COL19A1: variants seen among roughly 807,000 people sequenced by gnomAD.
The protein encoded by COL19A1 is collagen type XIX alpha 1 chain, also known as collagen alpha-1(XIX) chain.
COL19A1 carries 159 observed loss-of-function variants against 190.2 expected under a neutral mutation model. The ratio of observed to expected loss-of-function variants is 0.84; its 90% confidence interval spans 0.73 to 0.95. COL19A1 has a LOEUF of 0.95. Among genes scored for constraint, COL19A1 ranks in the 40% least tolerant of loss-of-function variants. COL19A1 has a pLI of 0.00. For synonymous variants in COL19A1, 509 were observed against 458.9 expected (o/e 1.11, Z -1.39); for missense variants, 1,418 against 1,431.9 (o/e 0.99, Z 0.16).
At chr6:70,089,750 C>A (rs1490055853) in intron 15 of COL19A1, among the ~76,000 whole-genome samples, 1 of 152,122 alleles carries the variant, frequency 6.6e-6, no homozygotes, top group Non-Finnish European at 1.5e-5. Context: ...CCCTTGAGTA[C>A]AAGTTCATTA....
chr6:70,102,938 TTCTG>T (rs1276190619), intron 16 of COL19A1, among the ~76,000 whole-genome samples: 1 of 152,162 alleles, frequency 6.6e-6, no homozygotes, highest in Non-Finnish European at 1.5e-5. Context: ...AAACTCCCTA[TTCTG>T]TTGGTTTAGC....
intron 9 of COL19A1, among the ~76,000 whole-genome samples, chr6:69,942,016 C>G (rs1398409251): frequency 1.3e-5 from 2 of 152,088 alleles, no homozygotes; most frequent in East Asian, 3.9e-4. Flanking sequence ...CAAATATGTT[C>G]CTTGCATTGT....
chr6:70,035,263 A>T (rs1296999920), intron 13 of COL19A1, among the ~76,000 whole-genome samples: 1 of 152,234 alleles, frequency 6.6e-6, no homozygotes, highest in Non-Finnish European at 1.5e-5. Context: ...GTGACATAGA[A>T]ATTGGAAAAT....
At chr6:69,952,573 G>A (rs1308407833) in intron 9 of COL19A1, among the ~76,000 whole-genome samples, 1 of 151,892 alleles carries the variant, frequency 6.6e-6, no homozygotes, top group Non-Finnish European at 1.5e-5. Flanking sequence ...TGATGAGAGA[G>A]TGGCCAAGCT....
intron 30 of COL19A1, among the ~76,000 whole-genome samples, chr6:70,150,768 A>G (rs1485101517): frequency 6.6e-6 from 1 of 152,128 alleles, no homozygotes; most frequent in Non-Finnish European, 1.5e-5. Flanking sequence ...ATATTTTGGC[A>G]TTACTTTAAC....
intron 11 of COL19A1, among the ~76,000 whole-genome samples, chr6:70,004,827 C>T (rs1454399529): frequency 6.7e-6 from 1 of 149,196 alleles, no homozygotes; most frequent in Admixed American, 6.6e-5. Flanking sequence ...TCCTTTAGCT[C>T]AGCGTACTTT....
chr6:69,886,699 C>G (rs977169769), intron 2 of COL19A1, among the ~76,000 whole-genome samples: 2 of 152,012 alleles, frequency 1.3e-5, no homozygotes, highest in African/African-American at 4.8e-5. Context: ...GGTGCTTTGC[C>G]TCTGTCTACT....
chr6:70,069,856 G>T (rs966173198), intron 15 of COL19A1, among the ~76,000 whole-genome samples: 1 of 152,026 alleles, frequency 6.6e-6, no homozygotes, highest in African/African-American at 2.4e-5. Flanking sequence ...TTCTTTGGGG[G>T]CTTTTTGCTT....
At chr6:70,103,019 C>T (rs1442852798) in intron 16 of COL19A1, among the ~76,000 whole-genome samples, 1 of 152,186 alleles carries the variant, frequency 6.6e-6, no homozygotes, top group Non-Finnish European at 1.5e-5. Flanking sequence ...TTTTCTTCTA[C>T]CCCCTACATG....
chr6:69,939,127 C>T (rs1008692866), intron 9 of COL19A1, among the ~76,000 whole-genome samples: 21 of 152,094 alleles, frequency 1.4e-4, no homozygotes, highest in African/African-American at 4.8e-4. Context: ...CTTCTGACAA[C>T]TCAGCAGGTG....
At chr6:69,943,073 T>G (rs747886723) in intron 9 of COL19A1, among the ~76,000 whole-genome samples, 1 of 152,100 alleles carries the variant, frequency 6.6e-6, no homozygotes, top group Non-Finnish European at 1.5e-5. Context: ...TTTTGGTCAT[T>G]TAGATAATAG....
Position 69,929,461 on chromosome 6 carries a change from G to C in COL19A1, c.427G>C (p.Glu143Gln). The change falls in exon 6 of 51, where the codon GAA (glutamate) becomes CAA (glutamine). Residue 143 changes from glutamate to glutamine, a missense_variant. Physicochemically the swap from Glu to Gln is conservative, Grantham distance 29. Coordinates refer to ENST00000620364, the MANE Select transcript of COL19A1 (RefSeq NM_001858.6). ...IVVDGGKKVV[E>Q]FMFQATEGDV... ...AGTTGATGGTGGAAAGAAGGTGGTG[G>C]AATTTATGTTTCAAGCCACAGAGGG... The C allele has an allele frequency of 1.2e-6, 2 of 1,613,908 alleles. No individual in the cohort carries two copies. The highest frequency in any genetic ancestry group is 1.1e-5 in the South Asian group (1 of 91,082).
At chr6:69,973,252 G>T (rs2150057128) in intron 11 of COL19A1, among the ~76,000 whole-genome samples, 1 of 152,166 alleles carries the variant, frequency 6.6e-6, no homozygotes, top group East Asian at 1.9e-4. Context: ...TCTACTCTTA[G>T]CTTTTGGTCT....
At chr6:70,065,501 A>C (rs1170142722) in intron 14 of COL19A1, among the ~76,000 whole-genome samples, 1 of 152,224 alleles carries the variant, frequency 6.6e-6, no homozygotes, top group African/African-American at 2.4e-5. Context: ...AAACCATAAA[A>C]ACCCTAGAAG....
intron 14 of COL19A1, among the ~76,000 whole-genome samples, chr6:70,043,500 T>G (rs1454364628): frequency 1.3e-5 from 2 of 152,154 alleles, no homozygotes; most frequent in Non-Finnish European, 2.9e-5. Context: ...CCACAAAATG[T>G]ATTTCTTAAA....
At position 70,159,480 on chromosome 6, in the gene COL19A1, T is replaced by C. The variant is rs186231805; in HGVS notation, c.2293-2420T>C. 6.6e-5 allele frequency among the ~76,000 whole-genome samples: 10 copies of C among 151,758 alleles called. No homozygotes were observed. In the East Asian group the frequency reaches 1.7e-3, roughly 27 times the overall value. On this transcript the variant is annotated intron_variant, in intron 34 of 50. Transcript: ENST00000620364. ...AGATTGATAAAATTTTGAAGAAAAA[T>C]ATGTCAACATTCTTTAACACCAATA...
intron 48 of COL19A1, among the ~76,000 whole-genome samples, chr6:70,193,442 C>T (rs1018710413): frequency 1.3e-5 from 2 of 152,250 alleles, no homozygotes; most frequent in East Asian, 3.9e-4. Context: ...TCTGTCACAG[C>T]CCACCTGCCT....
At chr6:70,086,113 A>G (rs1001734281) in intron 15 of COL19A1, among the ~76,000 whole-genome samples, 2 of 152,126 alleles carry the variant, frequency 1.3e-5, no homozygotes. Flanking sequence ...TCAAAAACTA[A>G]TTGAGGCTTT....
intron 14 of COL19A1, among the ~76,000 whole-genome samples, chr6:70,067,378 TG>T (rs1397256045): frequency 1.3e-5 from 2 of 152,042 alleles, no homozygotes; most frequent in Non-Finnish European, 2.9e-5. Context: ...GAGAGTTGAA[TG>T]TGGAGAATGA....
Sources: gnomAD v4.1 joint callset for allele counts (sites outside exome capture counted in the v4.1 genomes callset) on GRCh38, gnomAD v4.1.1 for gene constraint, MANE v1.5 for transcripts, NCBI Gene and HGNC (gene_info 2026-07-23, HGNC 2026-07-21) for gene names.